ZSCAN30: variants seen among roughly 807,000 people sequenced by gnomAD.
The protein encoded by ZSCAN30 is zinc finger and SCAN domain-containing protein 30.
In ZSCAN30, 37 loss-of-function variants were observed where a neutral mutation model predicts 44.3. The observed-to-expected ratio is 0.84, with a 90% CI of 0.64 to 1.10. The LOEUF is 1.10. Ranked by LOEUF, ZSCAN30 falls within the 50% of genes least tolerant of loss-of-function variation. ZSCAN30 has a pLI of 0.00. For missense variants in ZSCAN30, 549 were observed against 582.6 expected (o/e 0.94, Z 0.59); for synonymous variants, 181 against 204.6 (o/e 0.88, Z 0.98).
Position 35,283,333 on chromosome 18 carries a change from A to G in ZSCAN30, c.-104+6751T>C, listed in dbSNP as rs377714241. On this transcript the variant is annotated intron_variant, in intron 1 of 3. Coordinates refer to ENST00000333206, the MANE Select transcript of ZSCAN30 (RefSeq NM_001112734.4). Reference sequence around the variant, plus strand: ...TTGAACCCAGGAGGTGGAGGTTGCAATGAGATGAGATCATGCCACTGTGTC... The same window carrying G: ...TTGAACCCAGGAGGTGGAGGTTGCAGTGAGATGAGATCATGCCACTGTGTC... The G allele has an allele frequency of 1.8e-3, 273 of 152,326 alleles. 2 individuals are homozygous for G. The highest frequency in any genetic ancestry group is 6.3e-3 in the African/African-American group (262 of 41,546). 9.4% of individuals were successfully genotyped at this position (152,326 alleles called of 1,614,324 possible).
chr18:35,285,099 G>A (rs1344741533), intron 1 of ZSCAN30: 2 of 154,004 alleles, frequency 1.3e-5, no homozygotes, highest in Non-Finnish European at 2.9e-5. Flanking sequence ...TCTTGGCAGT[G>A]GCCACTCCAG....
At chr18:35,261,206 T>A (rs962470868) in intron 3 of ZSCAN30, 27 of 152,200 alleles carry the variant, frequency 1.8e-4, no homozygotes, top group Non-Finnish European at 3.1e-4. Flanking sequence ...GTTCCATTGG[T>A]CTATGTGTCT....
intron 1 of ZSCAN30, chr18:35,282,920 A>C (rs1417646672): frequency 6.6e-6 from 1 of 152,240 alleles, no homozygotes; most frequent in Non-Finnish European, 1.5e-5. Context: ...ACACAACAGC[A>C]TTATAAGAGT....
At chr18:35,267,611 T>A (rs1482583087) in intron 1 of ZSCAN30, 2 of 152,040 alleles carry the variant, frequency 1.3e-5, no homozygotes, top group Non-Finnish European at 2.9e-5. Flanking sequence ...GCGGGTCGTG[T>A]CTCGCAGGAG....
At chr18:35,273,161 A>C (rs2044313838) in intron 1 of ZSCAN30, among the ~76,000 whole-genome samples, 1 of 152,056 alleles carries the variant, frequency 6.6e-6, no homozygotes, top group Admixed American at 6.6e-5. Context: ...TATCTTCCCA[A>C]ACTGAAACTC....
intron 3 of ZSCAN30, chr18:35,262,188 T>C (rs1366598029): frequency 6.6e-6 from 1 of 152,196 alleles, no homozygotes; most frequent in African/African-American, 2.4e-5. Context: ...AATGTAACCA[T>C]CACATGGACC....
At chr18:35,285,079 G>A (rs115689111) in intron 1 of ZSCAN30, 5,138 of 154,482 alleles carry the variant, frequency 0.033, 295 homozygotes, top group African/African-American at 0.12. Flanking sequence ...CCTCCTGGCT[G>A]CAGCCAGCAT....
At chr18:35,272,050 G>C (rs913865006) in intron 1 of ZSCAN30, among the ~76,000 whole-genome samples, 18 of 152,156 alleles carry the variant, frequency 1.2e-4, no homozygotes, top group African/African-American at 4.1e-4. Flanking sequence ...GCTCCCCCTC[G>C]GCCAGCCCAG....
At position 35,253,786 on chromosome 18, in the gene ZSCAN30, C is replaced by T. The variant is rs1416126916; in HGVS notation, c.1149G>A (p.Lys383=). The T allele has an allele frequency of 3.1e-6, 5 of 1,614,148 alleles. No individual in the cohort carries two copies. The highest frequency in any genetic ancestry group is 4.2e-6 in the Non-Finnish European group (5 of 1,180,012). The change falls in exon 4 of 4, where the codon AAG becomes AAA. Residue 383 remains lysine, a synonymous_variant. Transcript: ENST00000333206. The part of the protein sequence containing the change: ...IRHRRIHTGE[K]PYECGECGKA... The stretch of plus-strand genomic sequence containing the variant: ...TCCCACATTCTCCACATTCATAAGG[C>T]TTCTCTCCAGTGTGGATTCTCCGAT...
chr18:35,258,077 C>T (rs2043901595), intron 3 of ZSCAN30: 1 of 754,676 alleles, frequency 1.3e-6, no homozygotes, highest in Admixed American at 1.7e-5. Flanking sequence ...GTGACTCTTA[C>T]AATCATATCA....
intron 1 of ZSCAN30, among the ~76,000 whole-genome samples, chr18:35,288,419 T>C (rs938395359): frequency 6.6e-6 from 1 of 152,034 alleles, no homozygotes; most frequent in Admixed American, 6.5e-5. Flanking sequence ...CTCTGAAAAG[T>C]AGTGTGGGTT....
Position 35,252,199 on chromosome 18 carries a change from A to G in ZSCAN30, c.*1251T>C, listed in dbSNP as rs1409042657. Reference sequence around the variant, plus strand: ...GGGAGCCTATTCTAGACCCAGAATGACCTGTGAGACTCTGAAGTACTCAGA... The same window carrying G: ...GGGAGCCTATTCTAGACCCAGAATGGCCTGTGAGACTCTGAAGTACTCAGA... On this transcript the variant is annotated 3_prime_UTR_variant, in exon 4 of 4. Coordinates refer to ENST00000333206, the MANE Select transcript of ZSCAN30 (RefSeq NM_001112734.4). 6.6e-6 allele frequency: 1 copy of G among 152,146 alleles called. No homozygotes were observed. The highest frequency in any genetic ancestry group is 1.5e-5 in the Non-Finnish European group (1 of 68,050). The allele number at this position is 152,146 out of a possible 1,614,324, so 9.4% of individuals were successfully genotyped here.
chr18:35,253,432 C>T lies in ZSCAN30; in HGVS notation c.*18G>A. 1 of 1,535,242 alleles carries T rather than the reference C, an allele frequency of 6.5e-7. No individual in the cohort carries two copies. The highest frequency in any genetic ancestry group is 8.8e-7 in the Non-Finnish European group (1 of 1,140,950). ...GAACTCCTTGCATTTCACAATTGTA[C>T]AACTCTTACCCACAGAGTTAAACTC... On this transcript the variant is annotated 3_prime_UTR_variant, in exon 4 of 4. Coordinates refer to ENST00000333206, the MANE Select transcript of ZSCAN30 (RefSeq NM_001112734.4).
chr18:35,286,763 C>T (rs982065123), intron 1 of ZSCAN30, among the ~76,000 whole-genome samples: 4 of 152,034 alleles, frequency 2.6e-5, no homozygotes, highest in African/African-American at 9.7e-5. Context: ...TCATTTCTAC[C>T]GAACACTGAT....
chr18:35,282,394 G>C (rs2044470689), intron 1 of ZSCAN30: 1 of 152,186 alleles, frequency 6.6e-6, no homozygotes, highest in African/African-American at 2.4e-5. Context: ...GAGAATTAAA[G>C]TATGGCTTAA....
rs2043686580 is a variant in ZSCAN30, at chr18:35,253,851, A to T, written c.1084T>A (p.Cys362Ser). The change falls in exon 4 of 4, where the codon TGT (cysteine) becomes AGT (serine). Residue 362 changes from cysteine to serine, a missense_variant. Transcript: ENST00000333206. ...SGEKPYECCE[C>S]GKAFRGSSEL... The stretch of plus-strand genomic sequence containing the variant: ...GAACTGCCCCTGAAGGCTTTTCCAC[A>T]TTCACAACATTCATAGGGTTTTTCA... 6 of 1,614,204 alleles carry T rather than the reference A, an allele frequency of 3.7e-6. No individual in the cohort carries two copies. Among genetic ancestry groups the T allele is most frequent in the Non-Finnish European group, 5.1e-6 (6 of 1,180,040 alleles).
Position 35,252,085 on chromosome 18 carries a change from TTC to T in ZSCAN30, c.*1363_*1364del, listed in dbSNP as rs887367921. On this transcript the variant is annotated 3_prime_UTR_variant, in exon 4 of 4. Coordinates refer to ENST00000333206, the MANE Select transcript of ZSCAN30 (RefSeq NM_001112734.4). ...TGGAGACAGCCCATCATCAGGACTC[TTC>T]TCTCCAGCAGGAATTAGTTGTCATA... The T allele has an allele frequency of 6.6e-6, 1 of 152,174 alleles. No homozygotes were observed. Among genetic ancestry groups the T allele is most frequent in the African/African-American group, 2.4e-5 (1 of 41,424 alleles). 9.4% of individuals were successfully genotyped at this position (152,174 alleles called of 1,614,324 possible).
At chr18:35,283,078 G>C (rs1376856620) in intron 1 of ZSCAN30, 1 of 152,104 alleles carries the variant, frequency 6.6e-6, no homozygotes, top group Non-Finnish European at 1.5e-5. Context: ...TTATGAAAAA[G>C]GAGTCAATCA....
intron 1 of ZSCAN30, among the ~76,000 whole-genome samples, chr18:35,264,819 C>G (rs2044111483): frequency 6.6e-6 from 1 of 152,134 alleles, no homozygotes; most frequent in Admixed American, 6.5e-5. Flanking sequence ...ATTTTATATG[C>G]TTTTCCTAAC....
Sources: allele counts gnomAD v4.1 joint callset (sites outside exome capture counted in the v4.1 genomes callset), GRCh38; gene constraint gnomAD v4.1.1; transcripts MANE v1.5; gene names NCBI Gene and HGNC (gene_info 2026-07-23, HGNC 2026-07-21).